The following F8 variants were observed in gnomAD, a reference collection of about 807,000 sequenced individuals.
F8 encodes the protein antihemophilic factor.
Under a neutral mutation model 140.6 loss-of-function variants are expected in F8, and 12 were observed. That is an observed-to-expected ratio of 0.09 (90% CI 0.05 to 0.14). The LOEUF (loss-of-function observed/expected upper bound fraction) is 0.14. Among genes scored for constraint, F8 ranks in the 10% least tolerant of loss-of-function variants. The pLI, the probability that F8 is intolerant of heterozygous loss-of-function variation, is 1.00. For synonymous variants in F8, 585 were observed against 614.6 expected, an observed-to-expected ratio of 0.95 and a Z score of 0.71; for missense variants, 1,354 against 1,720.7, an observed-to-expected ratio of 0.79 and a Z score of 3.77.
intron 1 of F8, among the ~76,000 whole-genome samples, chrX:155,015,305 CAG>C (rs2073728433): frequency 9.0e-6 from 1 of 110,734 alleles, no homozygotes; most frequent in Admixed American, 9.6e-5. Context: ...TTTCCTAGGA[CAG>C]GGGAAAAAAA....
At chrX:154,842,536 A>C (rs2072529377) in intron 25 of F8, among the ~76,000 whole-genome samples, 1 of 111,990 alleles carries the variant, frequency 8.9e-6, no homozygotes, top group Non-Finnish European at 1.9e-5. Context: ...ATGCCTTGTT[A>C]TCATTCAGTT....
rs782304582 is a variant in F8, at chrX:154,929,778, T to C, written c.4012A>G (p.Arg1338Gly). The C allele has an allele frequency of 7.4e-6, 9 of 1,211,926 alleles. No individual in the cohort carries two copies. The highest frequency in any genetic ancestry group is 1.8e-5 in the South Asian group (1 of 56,996). The change falls in exon 14 of 26, where the codon AGA becomes GGA. Residue 1338 changes from arginine to glycine, a missense_variant. Arg to Gly is a moderately radical substitution (Grantham distance 125, BLOSUM62 -2). Coordinates refer to ENST00000360256, the MANE Select transcript of F8 (RefSeq NM_000132.4). ...QRSKRALKQF[R>G]LPLEETELEK... ...AGTTCTGTTTCTTCTAGTGGGAGTC[T>C]GAATTGTTTCAAAGCTCTCTTACTA...
chrX:154,936,933 G>A (rs1390406879), intron 13 of F8, among the ~76,000 whole-genome samples: 7 of 111,113 alleles, frequency 6.3e-5, no homozygotes, highest in African/African-American at 2.0e-4. Context: ...CCAGAAAATC[G>A]CCATATATTG....
intron 10 of F8, among the ~76,000 whole-genome samples, chrX:154,958,028 C>A (rs1458594260): frequency 9.0e-6 from 1 of 111,416 alleles, no homozygotes; most frequent in Non-Finnish European, 1.9e-5. Flanking sequence ...TCTTGTTTAA[C>A]AGGTCCTGCT....
At chrX:155,007,640 T>G (rs782672161) in intron 1 of F8, among the ~76,000 whole-genome samples, 7 of 112,263 alleles carry the variant, frequency 6.2e-5, no homozygotes, top group Non-Finnish European at 1.3e-4. Flanking sequence ...TCCTGTGAGA[T>G]CAGCTGCTGC....
chrX:154,860,387 GTAT>G lies in F8; in HGVS notation c.6900+42_6900+44del, dbSNP rs781909894. ...GTTATGTTAAGCTCTAGGAGAGGTG[GTAT>G]TTTTTTTCTTTCTTTCTTTCTTTCC... On this transcript the variant is annotated intron_variant, in intron 25 of 25. Transcript: ENST00000360256. 6.0e-6 allele frequency: 7 copies of G among 1,168,918 alleles called. No individual in the cohort carries two copies. The South Asian group carries it at 1.2e-4, about 21-fold the overall frequency.
chrX:154,974,886 T>C (rs1364557120), intron 6 of F8, among the ~76,000 whole-genome samples: 1 of 111,972 alleles, frequency 8.9e-6, no homozygotes, highest in East Asian at 2.8e-4. Flanking sequence ...TAGTTGTTCA[T>C]AGTAGTTTCT....
At chrX:155,002,844 A>G (rs1159093662) in intron 1 of F8, among the ~76,000 whole-genome samples, 2 of 111,781 alleles carry the variant, frequency 1.8e-5, no homozygotes. Context: ...ATCCTCACCA[A>G]CATTCATTAT....
In F8 at chrX:154,957,133, C is replaced by T; in HGVS notation, c.1576G>A (p.Glu526Lys). ...HLKDFPILPG[E>K]IFKYKWTVTV... ...ACTGTCCATTTATATTTGAATATTT[C>T]TCCTGGCAGAATTGGAAAATCCTTC... The change falls in exon 11 of 26, where the codon GAA (glutamate) becomes AAA (lysine). Residue 526 changes from glutamate (E) to lysine (K), a missense_variant. By Grantham distance (56) the Glu-to-Lys change is moderately conservative (BLOSUM62 1). Around this residue, in one of 4 missense-constraint regions of F8, gnomAD observed 252 missense variants for 338.5 expected, o/e 0.74. Transcript: ENST00000360256. 8.3e-7 allele frequency: 1 copy of T among 1,211,057 alleles called. No individual in the cohort carries two copies. The highest frequency in any genetic ancestry group is 1.1e-6 in the Non-Finnish European group (1 of 895,283).
intron 6 of F8, 59 bp downstream of exon 6, chrX:154,984,628 C>T: frequency 1.1e-6 from 1 of 880,972 alleles, no homozygotes; most frequent in South Asian, 2.0e-5. Flanking sequence ...AACTGAAGTA[C>T]AGAACTCTGG....
rs1302660801 is a variant in F8, at chrX:154,930,489, C to CT, written c.3300dup (p.Glu1101ArgfsTer17). ...TGTGCATCTGGTGGAATGGGGCCCT[C>CT]TTTTTTCTGTTGGACCATTTCCATG... On this transcript the variant is annotated frameshift_variant, in exon 14 of 26. Transcript: ENST00000360256. LOFTEE classifies it high-confidence loss of function. The CT allele has an allele frequency of 8.3e-7, 1 of 1,207,975 alleles. No individual in the cohort carries two copies. Among genetic ancestry groups the CT allele is most frequent in the African/African-American group, 1.7e-5 (1 of 57,172 alleles).
intron 25 of F8, among the ~76,000 whole-genome samples, chrX:154,845,646 T>C (rs2072559747): frequency 8.9e-6 from 1 of 112,263 alleles, no homozygotes; most frequent in Non-Finnish European, 1.9e-5. Context: ...ATATCCCCTT[T>C]ATCATTTTTT....
intron 25 of F8, 108 bp from the exon 26 acceptor site, chrX:154,837,860 C>A (rs1191677930): frequency 1.3e-6 from 1 of 798,011 alleles, no homozygotes; most frequent in Admixed American, 2.5e-5. Flanking sequence ...CAGGATTAAA[C>A]CCTGGAAGAT....
chrX:155,009,368 C>T (rs181695023), intron 1 of F8, among the ~76,000 whole-genome samples: 4 of 111,233 alleles, frequency 3.6e-5, no homozygotes, highest in African/African-American at 1.3e-4. Flanking sequence ...GTCTATCCTA[C>T]CCCCTCTCTG....
intron 3 of F8, 94 bp downstream of exon 3, chrX:154,996,879 C>T (rs782085831): frequency 7.2e-6 from 7 of 969,015 alleles, no homozygotes; most frequent in Non-Finnish European, 1.0e-5. Context: ...TCAGTTAGGA[C>T]CTTAAAAGAG....
At chrX:154,972,029 T>G (rs2073458801) in intron 6 of F8, among the ~76,000 whole-genome samples, 1 of 112,240 alleles carries the variant, frequency 8.9e-6, no homozygotes, top group Non-Finnish European at 1.9e-5. Flanking sequence ...TCATTTCTTT[T>G]TGGTATATAC....
At position 154,937,815 on chromosome X, in the gene F8, G is replaced by A. The variant is rs939424585; in HGVS notation, c.2114-6139C>T. Among the ~76,000 whole-genome samples, 17 of 111,494 alleles carry A rather than the reference G, an allele frequency of 1.5e-4. No homozygotes were observed. The highest frequency in any genetic ancestry group is 3.2e-4 in the Non-Finnish European group (17 of 52,951). ...ATAACTAAACCATGCTCATGGACAG[G>A]AATACTCAATATTGTCAAGAGGTAT... On this transcript the variant is annotated intron_variant, in intron 13 of 25. Coordinates refer to ENST00000360256, the MANE Select transcript of F8 (RefSeq NM_000132.4).
intron 25 of F8, among the ~76,000 whole-genome samples, chrX:154,838,512 T>C (rs2072492528): frequency 8.9e-6 from 1 of 111,928 alleles, no homozygotes. Flanking sequence ...ATGAAGGCAA[T>C]GTCCTACCAT....
At chrX:154,853,861 C>T (rs1557272307) in intron 25 of F8, among the ~76,000 whole-genome samples, 1 of 111,656 alleles carries the variant, frequency 9.0e-6, no homozygotes, top group African/African-American at 3.3e-5. Context: ...GGAGATTCCC[C>T]TTTCTTTGCT....
Sources: allele counts gnomAD v4.1 joint callset (sites outside exome capture counted in the v4.1 genomes callset), GRCh38; gene constraint gnomAD v4.1.1; regional missense constraint gnomAD v4.1.1; transcripts MANE v1.5; gene names NCBI Gene and HGNC (gene_info 2026-07-23, HGNC 2026-07-21).